The following SUMF1 variants were observed in gnomAD, a reference collection of about 807,000 sequenced individuals.
SUMF1 encodes formylglycine-generating enzyme.
A neutral mutation model predicts 47.6 loss-of-function variants in SUMF1; 48 were observed. That is an observed-to-expected ratio of 1.01 (90% CI 0.80 to 1.28). The LOEUF (loss-of-function observed/expected upper bound fraction) is 1.28. Among genes scored for constraint, SUMF1 ranks in the 50% most tolerant of loss-of-function variants. SUMF1 has a pLI of 0.00. For missense variants in SUMF1, 571 were observed against 485.4 expected, an observed-to-expected ratio of 1.18 and a Z score of -1.66; for synonymous variants, 230 against 192.1, an observed-to-expected ratio of 1.20 and a Z score of -1.63.
intron 8 of SUMF1, among the ~76,000 whole-genome samples, chr3:4,215,006 C>G (rs1422635914): frequency 2.0e-5 from 3 of 152,130 alleles, no homozygotes; most frequent in Admixed American, 6.5e-5. Flanking sequence ...GCAATGATTT[C>G]AAACAATAGA....
At chr3:4,248,893 C>A (rs1280561594) in intron 8 of SUMF1, among the ~76,000 whole-genome samples, 2 of 152,350 alleles carry the variant, frequency 1.3e-5, no homozygotes, top group East Asian at 3.9e-4. Flanking sequence ...GGCCTGCAGA[C>A]TTGCTGAGAG....
In SUMF1 at chr3:4,254,337, C is replaced by A. The variant is rs541320814; in HGVS notation, c.1014+121993G>T. Reference sequence around the variant, plus strand: ...TCTGAGCTATGGGAGGACATTCAAACCAAAGGCAAAGAAGTTGAAAACTTT... The same window carrying A: ...TCTGAGCTATGGGAGGACATTCAAAACAAAGGCAAAGAAGTTGAAAACTTT... On this transcript the variant is annotated intron_variant and NMD_transcript_variant, in intron 8 of 12. Transcript: ENST00000448413. Among the ~76,000 whole-genome samples the A allele has an allele frequency of 2.8e-4, 43 of 151,264 alleles. 1 individual carries two copies. In the South Asian group the frequency reaches 9.1e-3, roughly 32 times the overall value.
chr3:4,077,786 C>G (rs1336400023), intron 8 of SUMF1, among the ~76,000 whole-genome samples: 8 of 151,700 alleles, frequency 5.3e-5, no homozygotes, highest in Admixed American at 5.2e-4. Flanking sequence ...GCACATGCAC[C>G]CCAGAACTTA....
At chr3:4,288,028 AGAT>A (rs1216207985) in intron 8 of SUMF1, among the ~76,000 whole-genome samples, 161 of 151,192 alleles carry the variant, frequency 1.1e-3, no homozygotes, top group Non-Finnish European at 2.5e-4. Flanking sequence ...AAAAATTTAA[AGAT>A]GATCCCATGC....
intron 8 of SUMF1, among the ~76,000 whole-genome samples, chr3:4,323,344 A>G (rs1698876925): frequency 6.6e-6 from 1 of 152,182 alleles, no homozygotes; most frequent in Admixed American, 6.6e-5. Context: ...GCAACTCCAT[A>G]CAGATACAAA....
intron 8 of SUMF1, among the ~76,000 whole-genome samples, chr3:4,231,084 T>C (rs1056620502): frequency 2.6e-5 from 4 of 152,110 alleles, no homozygotes; most frequent in African/African-American, 9.7e-5. Context: ...TAACAGATAT[T>C]CCTGAACAAT....
chr3:4,467,187 A>C lies in SUMF1; in HGVS notation c.59T>G (p.Leu20Arg), dbSNP rs79985808. The C allele has an allele frequency of 2.2e-3, 3,597 of 1,610,654 alleles. 67 individuals are homozygous for C. The African/African-American group carries it at 0.043, about 19-fold the overall frequency. Reference protein sequence around the residue: ...CGRCPELGLVLLLLLLSLLCG... With the variant: ...CGRCPELGLVRLLLLLSLLCG... ...CAGCAGCGAGAGCAGCAGCAGCAAG[A>C]GGACGAGACCCAGCTCAGGGCAACG... Residue 20 changes from leucine (L) to arginine (R), a missense_variant, in exon 1 of 9, where the codon CTC (leucine) becomes CGC (arginine). Coordinates refer to ENST00000272902, the MANE Select transcript of SUMF1 (RefSeq NM_182760.4).
chr3:4,136,032 T>G (rs557770155), intron 8 of SUMF1, among the ~76,000 whole-genome samples: 1 of 152,196 alleles, frequency 6.6e-6, no homozygotes, highest in Admixed American at 6.5e-5. Flanking sequence ...ATCAATATTG[T>G]GAAAATGGCC....
intron 8 of SUMF1, among the ~76,000 whole-genome samples, chr3:4,219,384 G>C (rs752559943): frequency 1.5e-4 from 23 of 152,214 alleles, no homozygotes; most frequent in Middle Eastern, 3.4e-3. Context: ...AAGTTATATA[G>C]CTCATAAGTG....
chr3:4,214,398 A>G (rs1695870335), intron 8 of SUMF1, among the ~76,000 whole-genome samples: 1 of 152,214 alleles, frequency 6.6e-6, no homozygotes, highest in Non-Finnish European at 1.5e-5. Context: ...TCTGGGACAC[A>G]TTTAAAGCAC....
chr3:4,399,060 CATAATCAGGA>C (rs1192182976), intron 7 of SUMF1, among the ~76,000 whole-genome samples: 1 of 151,988 alleles, frequency 6.6e-6, no homozygotes, highest in East Asian at 1.9e-4. Context: ...TTCTTTTTTG[CATAATCAGGA>C]ATATTTTGAG....
At chr3:4,306,297 T>G (rs1306988985) in intron 8 of SUMF1, among the ~76,000 whole-genome samples, 1 of 152,196 alleles carries the variant, frequency 6.6e-6, no homozygotes, top group Admixed American at 6.5e-5. Flanking sequence ...AAAAATAAAT[T>G]ATATAAGTAT....
At position 4,218,051 on chromosome 3, in the gene SUMF1, CAA is replaced by C. The variant is rs59202067; in HGVS notation, c.1015-149308_1015-149307del. On this transcript the variant is annotated intron_variant and NMD_transcript_variant, in intron 8 of 12. Transcript: ENST00000448413. Reference sequence around the variant, plus strand: ...ACTTCTCGAAAGCGAAGGAGAGAAACAAGAATGAGGAGGGAAGGATTTCTCAG... The same window carrying C: ...ACTTCTCGAAAGCGAAGGAGAGAAACGAATGAGGAGGGAAGGATTTCTCAG... Among the ~76,000 whole-genome samples the C allele has an allele frequency of 9.3e-3, 1,405 of 151,696 alleles. 23 individuals are homozygous for C. Among genetic ancestry groups the C allele is most frequent in the African/African-American group, 0.032 (1,337 of 41,324 alleles).
chr3:4,312,443 CAT>C (rs1698443297), intron 8 of SUMF1, among the ~76,000 whole-genome samples: 2 of 151,922 alleles, frequency 1.3e-5, no homozygotes, highest in South Asian at 4.1e-4. Context: ...CATAATAATA[CAT>C]ATATATGTCC....
At chr3:4,200,745 A>G (rs73120016) in intron 8 of SUMF1, among the ~76,000 whole-genome samples, 1,677 of 152,192 alleles carry the variant, frequency 0.011, 33 homozygotes, top group African/African-American at 0.035. Context: ...CATACTATCC[A>G]TACAGGATTC....
intron 8 of SUMF1, among the ~76,000 whole-genome samples, chr3:4,082,342 C>T (rs1202958777): frequency 1.3e-5 from 2 of 151,924 alleles, no homozygotes; most frequent in South Asian, 2.1e-4. Context: ...TGGTGATGCA[C>T]CCTGTGGTCC....
At chr3:4,114,440 C>CA (rs1693378146) in intron 8 of SUMF1, among the ~76,000 whole-genome samples, 1 of 152,156 alleles carries the variant, frequency 6.6e-6, no homozygotes, top group African/African-American at 2.4e-5. Flanking sequence ...ACAGCTTCAT[C>CA]AAAGGTTAAG....
At chr3:4,206,201 C>T (rs567631174) in intron 8 of SUMF1, among the ~76,000 whole-genome samples, 1 of 151,722 alleles carries the variant, frequency 6.6e-6, no homozygotes, top group Admixed American at 6.6e-5. Flanking sequence ...TCTCCAGGAG[C>T]TGCAAGCTGT....
At chr3:4,371,045 T>G (rs1271823644) in intron 8 of SUMF1, among the ~76,000 whole-genome samples, 3 of 152,242 alleles carry the variant, frequency 2.0e-5, no homozygotes, top group Non-Finnish European at 2.9e-5. Flanking sequence ...TCATTCCATT[T>G]CAAATGCACT....
Sources: allele counts gnomAD v4.1 joint callset (sites outside exome capture counted in the v4.1 genomes callset), GRCh38; gene constraint gnomAD v4.1.1; transcripts MANE v1.5; gene names NCBI Gene and HGNC (gene_info 2026-07-23, HGNC 2026-07-21).